Variants in CNTNAP2 observed in about 807,000 individuals in gnomAD.
CNTNAP2 encodes contactin associated protein 2, also known as contactin-associated protein-like 2.
A neutral mutation model predicts 155.2 loss-of-function variants in CNTNAP2; 98 were observed. That is an observed-to-expected ratio of 0.63 (90% CI 0.54 to 0.75). CNTNAP2 has a LOEUF of 0.75. Among genes scored for constraint, CNTNAP2 ranks in the 30% least tolerant of loss-of-function variants. The probability of loss-of-function intolerance (pLI) is 0.00; values close to 1 mark genes in which losing one functional copy is unlikely to be tolerated. For missense variants in CNTNAP2, 1,727 were observed against 1,688.1 expected (o/e 1.02, Z -0.40); for synonymous variants, 651 against 631.2 (o/e 1.03, Z -0.47).
chr7:146,420,861 T>C (rs1022065073), intron 1 of CNTNAP2, among the ~76,000 whole-genome samples: 1 of 152,106 alleles, frequency 6.6e-6, no homozygotes, highest in Admixed American at 6.6e-5. Context: ...TTGTAGGCAC[T>C]CAGATCTATC....
At chr7:148,012,106 G>A (rs1342211555) in intron 15 of CNTNAP2, among the ~76,000 whole-genome samples, 1 of 152,094 alleles carries the variant, frequency 6.6e-6, no homozygotes, top group Non-Finnish European at 1.5e-5. Context: ...TTGTTTAAGA[G>A]GGGATGTTGC....
At chr7:147,475,344 A>G (rs971681667) in intron 10 of CNTNAP2, among the ~76,000 whole-genome samples, 1 of 152,206 alleles carries the variant, frequency 6.6e-6, no homozygotes, top group Non-Finnish European at 1.5e-5. Context: ...AAAGTGCATG[A>G]GAAGGCTTTT....
At chr7:148,050,207 G>T (rs543190775) in intron 15 of CNTNAP2, among the ~76,000 whole-genome samples, 2 of 152,300 alleles carry the variant, frequency 1.3e-5, no homozygotes, top group South Asian at 4.1e-4. Context: ...AGGTCCTTCA[G>T]GAGGGATTCC....
intron 15 of CNTNAP2, among the ~76,000 whole-genome samples, chr7:148,080,333 C>T (rs759403895): frequency 3.3e-5 from 5 of 152,050 alleles, no homozygotes; most frequent in Non-Finnish European, 5.9e-5. Flanking sequence ...CGGCCGGGCA[C>T]GGTGGCTCAA....
intron 9 of CNTNAP2, among the ~76,000 whole-genome samples, chr7:147,368,883 G>T (rs1181775615): frequency 6.6e-6 from 1 of 152,158 alleles, no homozygotes. Flanking sequence ...ATGCCAACAT[G>T]AATAGATCAT....
intron 13 of CNTNAP2, among the ~76,000 whole-genome samples, chr7:147,831,528 GAAC>G (rs1172957765): frequency 1.3e-5 from 2 of 152,126 alleles, no homozygotes. Flanking sequence ...GCATGTAGGA[GAAC>G]AACGTGTAAG....
At chr7:146,549,438 T>C (rs555806009) in intron 1 of CNTNAP2, among the ~76,000 whole-genome samples, 1 of 152,152 alleles carries the variant, frequency 6.6e-6, no homozygotes, top group Non-Finnish European at 1.5e-5. Context: ...GGAAAATGCT[T>C]TTATATCTTA....
At chr7:147,363,676 T>C (rs923155996) in intron 9 of CNTNAP2, among the ~76,000 whole-genome samples, 3 of 152,238 alleles carry the variant, frequency 2.0e-5, no homozygotes, top group African/African-American at 7.2e-5. Flanking sequence ...TCCAATTCAA[T>C]TGCCTCTTGA....
intron 1 of CNTNAP2, among the ~76,000 whole-genome samples, chr7:146,549,645 G>A (rs1008093770): frequency 2.0e-5 from 3 of 151,960 alleles, no homozygotes; most frequent in Non-Finnish European, 4.4e-5. Flanking sequence ...ACAGAAGGAG[G>A]CTATAATTTC....
intron 14 of CNTNAP2, among the ~76,000 whole-genome samples, chr7:147,916,390 T>C (rs1384863693): frequency 6.6e-6 from 1 of 152,076 alleles, no homozygotes; most frequent in East Asian, 1.9e-4. Flanking sequence ...GTCAATACGG[T>C]TTGGCCACTG....
chr7:148,416,136 G>C lies in CNTNAP2; in HGVS notation c.*520G>C. The C allele has an allele frequency of 6.3e-6, 1 of 158,152 alleles. No homozygotes were observed. The highest frequency in any genetic ancestry group is 1.9e-4 in the South Asian group (1 of 5,324). 9.8% of individuals were successfully genotyped at this position (158,152 alleles called of 1,614,324 possible). A position where few individuals can be genotyped will look rare whatever the true frequency, so the allele number is the denominator to read the frequency against. On this transcript the variant is annotated 3_prime_UTR_variant, in exon 24 of 24. Coordinates refer to ENST00000361727, the MANE Select transcript of CNTNAP2 (RefSeq NM_014141.6). ...CTTTGATGTCCTATAAGTCGGAAAAGAAAGGGGCAAAGAGAACCTATTATT... is the reference window on the plus strand; with the variant it reads ...CTTTGATGTCCTATAAGTCGGAAAACAAAGGGGCAAAGAGAACCTATTATT...
chr7:147,814,788 C>G (rs575720286), intron 13 of CNTNAP2, among the ~76,000 whole-genome samples: 1 of 152,240 alleles, frequency 6.6e-6, no homozygotes, highest in South Asian at 2.1e-4. Flanking sequence ...TATAAATGAT[C>G]TATATTCAGC....
intron 10 of CNTNAP2, among the ~76,000 whole-genome samples, chr7:147,401,799 C>T (rs1339093396): frequency 1.3e-5 from 2 of 152,134 alleles, no homozygotes; most frequent in Non-Finnish European, 2.9e-5. Flanking sequence ...GTAAGATGTG[C>T]CTTGCTTCCC....
intron 13 of CNTNAP2, among the ~76,000 whole-genome samples, chr7:147,768,219 A>G (rs1233194322): frequency 1.3e-5 from 2 of 152,174 alleles, no homozygotes; most frequent in Non-Finnish European, 2.9e-5. Flanking sequence ...ATTACTCATC[A>G]GAAAACATAT....
intron 13 of CNTNAP2, among the ~76,000 whole-genome samples, chr7:147,743,894 G>A (rs1402911276): frequency 6.6e-6 from 1 of 151,944 alleles, no homozygotes; most frequent in Non-Finnish European, 1.5e-5. Context: ...GTTGGTTAGG[G>A]GCCCTGGAGC....
At chr7:146,435,937 G>T (rs141529700) in intron 1 of CNTNAP2, among the ~76,000 whole-genome samples, 1 of 152,206 alleles carries the variant, frequency 6.6e-6, no homozygotes, top group African/African-American at 2.4e-5. Flanking sequence ...CTTGGTAAAT[G>T]ATATGCCAAG....
intron 3 of CNTNAP2, among the ~76,000 whole-genome samples, chr7:146,875,677 G>T (rs1442517732): frequency 6.6e-6 from 1 of 151,454 alleles, no homozygotes; most frequent in Non-Finnish European, 1.5e-5. Flanking sequence ...CTTTTGGCGG[G>T]GGGGCAAAGC....
chr7:146,613,711 T>C (rs1042829693), intron 1 of CNTNAP2, among the ~76,000 whole-genome samples: 3 of 152,172 alleles, frequency 2.0e-5, no homozygotes, highest in African/African-American at 7.2e-5. Context: ...ACAGCTTAGT[T>C]TGAACTAGCT....
At chr7:147,126,859 C>T (rs942486655) in intron 6 of CNTNAP2, among the ~76,000 whole-genome samples, 5 of 152,204 alleles carry the variant, frequency 3.3e-5, no homozygotes, top group Non-Finnish European at 5.9e-5. Flanking sequence ...TCAGAATTCA[C>T]TAAATTGTTC....
Sources: allele counts gnomAD v4.1 joint callset (sites outside exome capture counted in the v4.1 genomes callset), GRCh38; gene constraint gnomAD v4.1.1; transcripts MANE v1.5; gene names NCBI Gene and HGNC (gene_info 2026-07-23, HGNC 2026-07-21).